The following ELFN1 variants were observed in gnomAD, a reference collection of about 807,000 sequenced individuals.
ELFN1 encodes protein ELFN1.
In ELFN1, 6 loss-of-function variants were observed where a neutral mutation model predicts 7.6. The ratio of observed to expected loss-of-function variants is 0.79; its 90% confidence interval spans 0.43 to 1.56. ELFN1 has a LOEUF of 1.56. ELFN1 is among the 40% of genes most tolerant of loss of function. ELFN1 has a pLI of 0.01. For synonymous variants in ELFN1, 657 were observed against 588.1 expected (o/e 1.12, Z -1.70); for missense variants, 1,169 against 1,232.2 (o/e 0.95, Z 0.77).
chr7:1,682,452 A>C lies in ELFN1; in HGVS notation c.-548-5606A>C, dbSNP rs115348493. On this transcript the variant is annotated intron_variant, in intron 1 of 3. Transcript: ENST00000424383. ...ATTTTTATTTTATTTTATTTTTTTTATTTTCAGAGACAGGGTCTTACTCTG... is the reference window on the plus strand; with the variant it reads ...ATTTTTATTTTATTTTATTTTTTTTCTTTTCAGAGACAGGGTCTTACTCTG... 4.8e-3 allele frequency among the ~76,000 whole-genome samples: 729 copies of C among 150,692 alleles called. 5 individuals carry two copies. Among genetic ancestry groups the C allele is most frequent in the African/African-American group, 0.017 (707 of 40,808 alleles).
chr7:1,717,229 G>A (rs1583358519), intron 3 of ELFN1, among the ~76,000 whole-genome samples: 2 of 152,316 alleles, frequency 1.3e-5, no homozygotes, highest in East Asian at 3.9e-4. Context: ...CCACACTCCA[G>A]TATCACAGCC....
upstream of ELFN1, among the ~76,000 whole-genome samples, chr7:1,667,878 C>G (rs1164113296): frequency 6.6e-6 from 1 of 151,228 alleles, no homozygotes; most frequent in South Asian, 2.1e-4. The surrounding 1 kb of genome is among the most constrained non-coding windows in gnomAD (Gnocchi z 8.2). Flanking sequence ...CAGCAGGCCG[C>G]CAATCGGCGC....
intron 3 of ELFN1, among the ~76,000 whole-genome samples, chr7:1,717,183 G>A (rs1022566355): frequency 1.3e-5 from 2 of 152,198 alleles, no homozygotes; most frequent in African/African-American, 2.4e-5. Context: ...GACAGGGGCC[G>A]TGCATCTGCC....
chr7:1,677,751 C>T (rs1168103797), intron 1 of ELFN1, among the ~76,000 whole-genome samples: 1 of 152,030 alleles, frequency 6.6e-6, no homozygotes, highest in Non-Finnish European at 1.5e-5. Context: ...GGGTTAGGTT[C>T]TGTAAAATGA....
chr7:1,746,139 G>T lies in ELFN1; in HGVS notation c.1543G>T (p.Ala515Ser). The change falls in exon 4 of 4, where the codon GCG becomes TCG. Residue 515 changes from alanine (A) to serine (S), a missense_variant. This residue lies in a region of ELFN1 where 914 missense variants were observed against 872.6 expected (regional missense o/e 1.05). Coordinates refer to ENST00000424383, the MANE Select transcript of ELFN1 (RefSeq NM_001128636.4). ...GGAGCAGTACAAGCTGGTGGAGAGC[G>T]CGGACACCCCCAAGGCCAGCAAGGG... ...EVEQYKLVES[A>S]DTPKASKGSY... The T allele has an allele frequency of 6.5e-7, 1 of 1,548,278 alleles. No homozygotes were observed.
In ELFN1 at chr7:1,705,067, G is replaced by T. The variant is rs1194102553; in HGVS notation, c.-455-4024G>T. ...GGCAGAGGTGGAGACCTGCTGGGGTGGGGGGCGCGTACTGGAGAACAGAGG... is the reference window on the plus strand; with the variant it reads ...GGCAGAGGTGGAGACCTGCTGGGGTTGGGGGCGCGTACTGGAGAACAGAGG... On this transcript the variant is annotated intron_variant, in intron 2 of 3. Coordinates refer to ENST00000424383, the MANE Select transcript of ELFN1 (RefSeq NM_001128636.4). The surrounding 1 kb of genome is among the most constrained non-coding windows in gnomAD (Gnocchi z 4.3). 2.6e-5 allele frequency among the ~76,000 whole-genome samples: 4 copies of T among 152,120 alleles called. No individual in the cohort carries two copies. The highest frequency in any genetic ancestry group is 9.7e-5 in the African/African-American group (4 of 41,428).
Position 1,695,970 on chromosome 7 carries a change from C to A in ELFN1, c.-456+7820C>A, listed in dbSNP as rs10215242. 0.2 allele frequency among the ~76,000 whole-genome samples: 29,701 copies of A among 152,008 alleles called. 4,223 individuals carry two copies. Among genetic ancestry groups the A allele is most frequent in the African/African-American group, 0.4 (16,674 of 41,394 alleles). On this transcript the variant is annotated intron_variant, in intron 2 of 3. Transcript: ENST00000424383. The surrounding 1 kb of genome is among the most constrained non-coding windows in gnomAD (Gnocchi z 5.1). ...GGGCACAGCAGTGAGCAGGGCAGAC[C>A]TGACTCCTGCCTGCCTTTGTCGGCC...
At chr7:1,707,465 C>T (rs969005503) in intron 2 of ELFN1, among the ~76,000 whole-genome samples, 4 of 152,172 alleles carry the variant, frequency 2.6e-5, no homozygotes, top group African/African-American at 9.7e-5. Flanking sequence ...TCTGCCCTCC[C>T]AGCGCGGGAA....
chr7:1,674,157 C>G (rs999359293), intron 1 of ELFN1, among the ~76,000 whole-genome samples: 1 of 150,410 alleles, frequency 6.6e-6, no homozygotes, highest in African/African-American at 2.5e-5. Flanking sequence ...GCTCCCTGCT[C>G]TGGGCCATGA....
Position 1,735,393 on chromosome 7 carries a change from G to A in ELFN1, c.-293-8911G>A, listed in dbSNP as rs1687031835. Reference sequence around the variant, plus strand: ...AGCACTCACCGAGTCCTCACACAGTGGGGACGTGGTGCAGGCAGCAGTCCC... The same window carrying A: ...AGCACTCACCGAGTCCTCACACAGTAGGGACGTGGTGCAGGCAGCAGTCCC... On this transcript the variant is annotated intron_variant, in intron 3 of 3. Coordinates refer to ENST00000424383, the MANE Select transcript of ELFN1 (RefSeq NM_001128636.4). The surrounding 1 kb of genome is among the most constrained non-coding windows in gnomAD (Gnocchi z 5.9). Among the ~76,000 whole-genome samples, 1 of 152,016 alleles carries A rather than the reference G, an allele frequency of 6.6e-6. No homozygotes were observed. Among genetic ancestry groups the A allele is most frequent in the Non-Finnish European group, 1.5e-5 (1 of 68,004 alleles).
rs376628975 is a variant in ELFN1, at chr7:1,738,015, A to C, written c.-293-6289A>C. Among the ~76,000 whole-genome samples, 6 of 152,362 alleles carry C rather than the reference A, an allele frequency of 3.9e-5. No homozygotes were observed. In the South Asian group the frequency reaches 1.2e-3, roughly 32 times the overall value. Reference sequence around the variant, plus strand: ...AGCCTGGTAGGCTCAGTCCTGGGACAGGCAGATGCCCCCAGGACAGCCGAG... The same window carrying C: ...AGCCTGGTAGGCTCAGTCCTGGGACCGGCAGATGCCCCCAGGACAGCCGAG... On this transcript the variant is annotated intron_variant, in intron 3 of 3. Transcript: ENST00000424383.
intron 3 of ELFN1, among the ~76,000 whole-genome samples, chr7:1,718,613 G>A (rs1402516010): frequency 1.3e-5 from 2 of 152,182 alleles, no homozygotes; most frequent in East Asian, 3.8e-4. Flanking sequence ...CAAAGAGGTG[G>A]CGTTTGCAGT....
At chr7:1,737,040 G>A (rs569922090) in intron 3 of ELFN1, among the ~76,000 whole-genome samples, 5 of 151,784 alleles carry the variant, frequency 3.3e-5, no homozygotes, top group East Asian at 1.9e-4. Flanking sequence ...AGCATTGCCC[G>A]CCACTGCCTG....
At chr7:1,741,006 T>G (rs1393222698) in intron 3 of ELFN1, among the ~76,000 whole-genome samples, 1 of 151,796 alleles carries the variant, frequency 6.6e-6, no homozygotes, top group Non-Finnish European at 1.5e-5. Flanking sequence ...GGTGTGTGCC[T>G]ATAATCCCAG....
intron 3 of ELFN1, among the ~76,000 whole-genome samples, chr7:1,717,764 C>T (rs1486262093): frequency 6.6e-6 from 1 of 152,076 alleles, no homozygotes; most frequent in Non-Finnish European, 1.5e-5. Context: ...GCATGTGCAG[C>T]ATATAGGGAT....
At position 1,695,629 on chromosome 7, in the gene ELFN1, C is replaced by A. The variant is rs1233816308; in HGVS notation, c.-456+7479C>A. On this transcript the variant is annotated intron_variant, in intron 2 of 3. Transcript: ENST00000424383. This position sits in a 1 kb window ranked among gnomAD's most constrained non-coding sequence, Gnocchi z 5.1. ...GGGCGTTGTGGTGGACACCTGTAATCCCAGTTACTTGGGAGGCTGAGGCAG... is the reference window on the plus strand; with the variant it reads ...GGGCGTTGTGGTGGACACCTGTAATACCAGTTACTTGGGAGGCTGAGGCAG... 6.6e-6 allele frequency among the ~76,000 whole-genome samples: 1 copy of A among 151,766 alleles called. No individual in the cohort carries two copies. Among genetic ancestry groups the A allele is most frequent in the Admixed American group, 6.6e-5 (1 of 15,236 alleles).
chr7:1,711,588 GA>G (rs1583347263), intron 3 of ELFN1, among the ~76,000 whole-genome samples: 1 of 134,198 alleles, frequency 7.5e-6, no homozygotes, highest in East Asian at 2.3e-4. Context: ...GAGAGAGAGA[GA>G]GAGAGAGAGA....
At position 1,680,461 on chromosome 7, in the gene ELFN1, G is replaced by A. The variant is rs553908857; in HGVS notation, c.-548-7597G>A. Among the ~76,000 whole-genome samples, 4 of 152,322 alleles carry A rather than the reference G, an allele frequency of 2.6e-5. No individual in the cohort carries two copies. The East Asian group carries it at 7.7e-4, about 29-fold the overall frequency. ...GGGGGACGATGCTGAAAGGGGCAGC[G>A]GCTGTGCTGCGCTTGTTTCCCTTGC... On this transcript the variant is annotated intron_variant, in intron 1 of 3. Coordinates refer to ENST00000424383, the MANE Select transcript of ELFN1 (RefSeq NM_001128636.4).
At chr7:1,691,254 A>G (rs965780641) in intron 2 of ELFN1, among the ~76,000 whole-genome samples, 8 of 152,212 alleles carry the variant, frequency 5.3e-5, no homozygotes, top group African/African-American at 1.9e-4. Flanking sequence ...GGATGCCGAC[A>G]CTGATCCCAG....
Sources: gnomAD v4.1 joint callset for allele counts (sites outside exome capture counted in the v4.1 genomes callset) on GRCh38, gnomAD v4.1.1 for gene constraint, gnomAD v4.1.1 regional missense constraint, Gnocchi (gnomAD v3.1) non-coding constraint, MANE v1.5 for transcripts, NCBI Gene and HGNC (gene_info 2026-07-23, HGNC 2026-07-21) for gene names.